The following DYSF variants were observed in gnomAD, a reference collection of about 807,000 sequenced individuals.
DYSF encodes dystrophy-associated fer-1-like 1.
Under a neutral mutation model 274.9 loss-of-function variants are expected in DYSF, and 212 were observed. The observed-to-expected ratio is 0.77, with a 90% CI of 0.69 to 0.86. The LOEUF (loss-of-function observed/expected upper bound fraction) is 0.86, where lower values mean the gene tolerates loss of function less well. Ranked by LOEUF, DYSF falls within the 40% of genes least tolerant of loss-of-function variation. The pLI, the probability that DYSF is intolerant of heterozygous loss-of-function variation, is 0.00. For missense variants in DYSF, 2,666 were observed against 2,783.2 expected, an observed-to-expected ratio of 0.96 and a Z score of 0.95; for synonymous variants, 1,091 against 1,078.7, an observed-to-expected ratio of 1.01 and a Z score of -0.22.
intron 52 of DYSF, among the ~76,000 whole-genome samples, chr2:71,677,508 AC>A (rs2095241138): frequency 6.6e-6 from 1 of 152,190 alleles, no homozygotes; most frequent in Non-Finnish European, 1.5e-5. Context: ...ATATGGTTCA[AC>A]CTAATAGCTG....
intron 12 of DYSF, among the ~76,000 whole-genome samples, chr2:71,524,127 A>G (rs1026016332): frequency 7.9e-5 from 12 of 152,052 alleles, no homozygotes; most frequent in African/African-American, 2.4e-4. Context: ...TTTGCCTACC[A>G]AGAGCCAATT....
intron 41 of DYSF, among the ~76,000 whole-genome samples, chr2:71,627,394 T>G (rs770167339): frequency 2.0e-5 from 3 of 152,090 alleles, no homozygotes; most frequent in Admixed American, 6.5e-5. Flanking sequence ...TTTTAAATTA[T>G]CTTTTGTTAT....
rs1016218546 is a variant in DYSF, at chr2:71,466,791, C to G, written c.-52C>G. 3 of 1,456,430 alleles carry G rather than the reference C, an allele frequency of 2.1e-6. No homozygotes were observed. The African/African-American group carries it at 4.3e-5, about 21-fold the overall frequency. 90.2% of individuals were successfully genotyped at this position (1,456,430 alleles called of 1,614,324 possible). On this transcript the variant is annotated 5_prime_UTR_variant, in exon 1 of 56. Transcript: ENST00000410020. ...GCTGGGTGGGTGCTCGGGCCCGGTG[C>G]TCCCGCTCCCGCCCTGACTGCGCGC...
At chr2:71,587,581 T>C (rs2093112600) in intron 30 of DYSF, among the ~76,000 whole-genome samples, 1 of 152,206 alleles carries the variant, frequency 6.6e-6, no homozygotes, top group South Asian at 2.1e-4. Context: ...CCAGGAAGTG[T>C]GCTAAGAACT....
intron 17 of DYSF, among the ~76,000 whole-genome samples, chr2:71,546,950 G>A (rs1382141892): frequency 3.9e-5 from 6 of 152,226 alleles, no homozygotes; most frequent in African/African-American, 7.2e-5. Context: ...CACTGGGCTG[G>A]GAGGTCCTGC....
At chr2:71,599,293 A>G (rs2093485927) in intron 33 of DYSF, among the ~76,000 whole-genome samples, 1 of 152,232 alleles carries the variant, frequency 6.6e-6, no homozygotes, top group Non-Finnish European at 1.5e-5. Flanking sequence ...TGTGCTGTCC[A>G]AAAAGGGAGC....
At position 71,552,929 on chromosome 2, in the gene DYSF, C is replaced by T. The variant is rs929328033; in HGVS notation, c.1807-82C>T. ...ATTGGGTGCCGGTTATGGCCGGGGC[C>T]TGCCAGACGTATGTCCCCTCCCCAG... On this transcript the variant is annotated intron_variant, in intron 19 of 55. Coordinates refer to ENST00000410020, the MANE Select transcript of DYSF (RefSeq NM_001130987.2). 2.4e-5 allele frequency: 35 copies of T among 1,480,240 alleles called. No individual in the cohort carries two copies. In the African/African-American group the frequency reaches 4.2e-4, roughly 18 times the overall value. The allele number at this position is 1,480,240 out of a possible 1,614,324, so 91.7% of individuals were successfully genotyped here.
At chr2:71,534,193 A>C (rs2089058131) in intron 14 of DYSF, among the ~76,000 whole-genome samples, 1 of 152,266 alleles carries the variant, frequency 6.6e-6, no homozygotes, top group African/African-American at 2.4e-5. Flanking sequence ...GATAATGCAC[A>C]TGAAATGCCT....
chr2:71,547,196 G>A (rs895924729), intron 17 of DYSF, among the ~76,000 whole-genome samples: 3 of 152,232 alleles, frequency 2.0e-5, no homozygotes, highest in African/African-American at 7.2e-5. Flanking sequence ...ACACAGGGGC[G>A]AGAGCCCGGG....
chr2:71,624,526 T>C (rs2094170789), intron 41 of DYSF, among the ~76,000 whole-genome samples: 1 of 152,214 alleles, frequency 6.6e-6, no homozygotes, highest in South Asian at 2.1e-4. Flanking sequence ...TAATTATTGT[T>C]GCTGAAAGGC....
intron 41 of DYSF, among the ~76,000 whole-genome samples, chr2:71,621,834 T>C (rs2094108956): frequency 6.6e-6 from 1 of 151,978 alleles, no homozygotes; most frequent in Admixed American, 6.6e-5. Context: ...TAATTTTTTG[T>C]ATTTTTAGTA....
At chr2:71,496,350 C>T (rs577068262) in intron 3 of DYSF, among the ~76,000 whole-genome samples, 1 of 152,126 alleles carries the variant, frequency 6.6e-6, no homozygotes, top group South Asian at 2.1e-4. Flanking sequence ...CAGGGAAGTG[C>T]TGGGGTCAGT....
At chr2:71,454,464 C>T (rs571701258) in intron 1 of DYSF, among the ~76,000 whole-genome samples, 1 of 152,288 alleles carries the variant, frequency 6.6e-6, no homozygotes. Context: ...GGTCTGGTCC[C>T]AGGCCTATTT....
chr2:71,467,154 C>A (rs1376380842), intron 1 of DYSF, among the ~76,000 whole-genome samples: 1 of 152,176 alleles, frequency 6.6e-6, no homozygotes, highest in African/African-American at 2.4e-5. Flanking sequence ...ATTGGAAAAG[C>A]GAAAGTGCCG....
intron 3 of DYSF, among the ~76,000 whole-genome samples, chr2:71,501,790 G>A (rs34482418): frequency 0.53 from 80,822 of 151,976 alleles, 22,788 homozygotes; most frequent in Non-Finnish European, 0.63. Context: ...CATCTTGTTT[G>A]TGCCTCTGTT....
chr2:71,602,734 C>A (rs778883874), intron 35 of DYSF, 42 bp from the exon 36 acceptor site: 1 of 1,608,238 alleles, frequency 6.2e-7, no homozygotes, highest in Admixed American at 1.7e-5. Flanking sequence ...CAACCCCTCT[C>A]ACCATCTCCT....
At position 71,553,821 on chromosome 2, in the gene DYSF, T is replaced by C. The variant is rs368462679; in HGVS notation, c.1999T>C (p.Tyr667His). The change falls in exon 21 of 56, where the codon TAC becomes CAC. Residue 667 changes from tyrosine to histidine, a missense_variant. Coordinates refer to ENST00000410020, the MANE Select transcript of DYSF (RefSeq NM_001130987.2). Reference protein sequence around the residue: ...RAVFDGCHYYYLPWGNVKPVV... With the variant: ...RAVFDGCHYYHLPWGNVKPVV... ...CTCCATTCCAGGGTGCCACTACTAC[T>C]ACCTACCCTGGGGTAACGTGAAACC... 2.1e-5 allele frequency: 29 copies of C among 1,366,378 alleles called. No individual in the cohort carries two copies. The African/African-American group carries it at 2.6e-4, about 12-fold the overall frequency. The allele number at this position is 1,366,378 out of a possible 1,614,324, so 84.6% of individuals were successfully genotyped here.
Position 71,598,660 on chromosome 2 carries a change from ACGAGAT to A in DYSF, c.3679_3684del (p.Glu1227_Ile1228del). 1 of 1,614,092 alleles carries A rather than the reference ACGAGAT, an allele frequency of 6.2e-7. No individual in the cohort carries two copies. Among genetic ancestry groups the A allele is most frequent in the Admixed American group, 1.7e-5 (1 of 60,024 alleles). ...ACCTGGGACCAGACGCTCATCTTCT[ACGAGAT>A]CGAGATCTTTGGCGAGCCGGCCACA... On this transcript the variant is annotated inframe_deletion, in exon 33 of 56. Transcript: ENST00000410020.
chr2:71,521,442 G>A (rs2087263937), intron 12 of DYSF, among the ~76,000 whole-genome samples: 1 of 152,206 alleles, frequency 6.6e-6, no homozygotes, highest in Non-Finnish European at 1.5e-5. Context: ...AAACACCAGA[G>A]CACCCACTCT....
Sources: allele counts gnomAD v4.1 joint callset (sites outside exome capture counted in the v4.1 genomes callset), GRCh38; gene constraint gnomAD v4.1.1; transcripts MANE v1.5; gene names NCBI Gene and HGNC (gene_info 2026-07-23, HGNC 2026-07-21).